Variants in PCDH15 observed in about 807,000 individuals in gnomAD.
The protein encoded by PCDH15 is protocadherin related 15, also known as protocadherin-15.
Under a neutral mutation model 178.5 loss-of-function variants are expected in PCDH15, and 129 were observed. That is an observed-to-expected ratio of 0.72 (90% CI 0.63 to 0.84). The LOEUF is 0.84. Ranked by LOEUF, PCDH15 falls within the 40% of genes least tolerant of loss-of-function variation. The pLI, the probability that PCDH15 is intolerant of heterozygous loss-of-function variation, is 0.00. For synonymous variants in PCDH15, 800 were observed against 732.0 expected, an observed-to-expected ratio of 1.09 and a Z score of -1.50; for missense variants, 2,230 against 2,099.9, an observed-to-expected ratio of 1.06 and a Z score of -1.21.
At chr10:54,930,361 A>T (rs868679543) in intron 2 of PCDH15, among the ~76,000 whole-genome samples, 3 of 152,114 alleles carry the variant, frequency 2.0e-5, no homozygotes, top group African/African-American at 7.2e-5. Flanking sequence ...GTCCCACTCA[A>T]GTGCCCCTCT....
At chr10:55,356,714 AGT>A (rs1180775235) in intron 2 of PCDH15, among the ~76,000 whole-genome samples, 1 of 151,868 alleles carries the variant, frequency 6.6e-6, no homozygotes, top group African/African-American at 2.4e-5. Flanking sequence ...TAACCAATTT[AGT>A]TGTTATAATT....
intron 2 of PCDH15, among the ~76,000 whole-genome samples, chr10:55,139,890 G>T (rs538428218): frequency 6.6e-6 from 1 of 151,954 alleles, no homozygotes; most frequent in Non-Finnish European, 1.5e-5. Flanking sequence ...TTGCTATGTT[G>T]ATTCTTCAAA....
At chr10:54,599,066 C>G (rs10128136) in intron 2 of PCDH15, among the ~76,000 whole-genome samples, 1,888 of 151,846 alleles carry the variant, frequency 0.012, 43 homozygotes, top group African/African-American at 0.044. Flanking sequence ...GCAATTTGTA[C>G]ATAAAATGTT....
At chr10:54,927,772 G>C (rs1837670629) in intron 2 of PCDH15, among the ~76,000 whole-genome samples, 1 of 151,870 alleles carries the variant, frequency 6.6e-6, no homozygotes, top group Non-Finnish European at 1.5e-5. Flanking sequence ...TCTGTTTTCT[G>C]TTTTCCATTT....
intron 8 of PCDH15, among the ~76,000 whole-genome samples, chr10:54,240,910 A>C (rs1004195731): frequency 1.3e-5 from 2 of 151,992 alleles, no homozygotes; most frequent in East Asian, 1.9e-4. Flanking sequence ...GGATTACAGG[A>C]GTGAGCCACC....
chr10:55,197,892 A>G (rs1840138503), intron 1 of PCDH15, among the ~76,000 whole-genome samples: 1 of 152,138 alleles, frequency 6.6e-6, no homozygotes, highest in South Asian at 2.1e-4. Flanking sequence ...TTTAAAATGG[A>G]TGGATATAAA....
intron 6 of PCDH15, among the ~76,000 whole-genome samples, chr10:54,333,564 T>TAA (rs5785065): frequency 1.2e-3 from 168 of 143,810 alleles, no homozygotes; most frequent in Middle Eastern, 3.6e-3. Flanking sequence ...CTAAAAAGTT[T>TAA]AAAAAAAAAA....
chr10:54,003,736 C>CAA lies in PCDH15; in HGVS notation c.2752-7973_2752-7972dup, dbSNP rs55871741. Among the ~76,000 whole-genome samples the CAA allele has an allele frequency of 5.1e-3, 387 of 76,170 alleles. 5 individuals are homozygous for CAA. Among genetic ancestry groups the CAA allele is most frequent in the East Asian group, 0.02 (45 of 2,204 alleles). 50.0% of individuals were successfully genotyped at this position (76,170 alleles called of 152,430 possible). A position where few individuals can be genotyped will look rare whatever the true frequency, so the allele number is the denominator to read the frequency against. ...AATACTAATCTTACTCAAACTATTCCAAAAAAAAAAAAAAAAAAAAAAAAA... is the reference window on the plus strand; with the variant it reads ...AATACTAATCTTACTCAAACTATTCCAAAAAAAAAAAAAAAAAAAAAAAAAAA... On this transcript the variant is annotated intron_variant, in intron 20 of 37. Transcript: ENST00000644397.
At chr10:53,990,574 C>T (rs2091402993) in intron 21 of PCDH15, among the ~76,000 whole-genome samples, 1 of 148,990 alleles carries the variant, frequency 6.7e-6, no homozygotes, top group Non-Finnish European at 1.5e-5. Context: ...ATATTTCTCA[C>T]AATGTTATAT....
intron 2 of PCDH15, among the ~76,000 whole-genome samples, chr10:55,425,673 A>C (rs35473888): frequency 0.24 from 36,597 of 151,018 alleles, 4,836 homozygotes; most frequent in Non-Finnish European, 0.3. Context: ...CACACACACA[A>C]AAAAAAACAG....
At chr10:55,266,983 C>G (rs755125813) in intron 1 of PCDH15, among the ~76,000 whole-genome samples, 25 of 152,308 alleles carry the variant, frequency 1.6e-4, no homozygotes, top group Middle Eastern at 6.8e-3. Flanking sequence ...TGGAACCCTA[C>G]AGCCTGGTTG....
At chr10:54,591,435 C>T (rs1445349189) in intron 2 of PCDH15, among the ~76,000 whole-genome samples, 1 of 152,130 alleles carries the variant, frequency 6.6e-6, no homozygotes, top group Non-Finnish European at 1.5e-5. Flanking sequence ...TGGGTGGCCA[C>T]TATAAGCTAG....
chr10:54,052,851 T>G (rs1400537985), intron 18 of PCDH15, among the ~76,000 whole-genome samples: 1 of 152,154 alleles, frequency 6.6e-6, no homozygotes, highest in East Asian at 1.9e-4. Flanking sequence ...AATTGAATCA[T>G]GAGGGCAATT....
At chr10:55,242,087 G>T (rs1841557808) in intron 1 of PCDH15, among the ~76,000 whole-genome samples, 1 of 152,152 alleles carries the variant, frequency 6.6e-6, no homozygotes, top group Non-Finnish European at 1.5e-5. Context: ...AACATAGACT[G>T]CACGTGCACA....
intron 2 of PCDH15, among the ~76,000 whole-genome samples, chr10:55,117,857 G>A (rs1837665457): frequency 6.6e-6 from 1 of 152,140 alleles, no homozygotes; most frequent in African/African-American, 2.4e-5. Context: ...TTGGGAGGAT[G>A]AATATTCAGC....
chr10:54,407,275 T>A (rs186329367), intron 3 of PCDH15, among the ~76,000 whole-genome samples: 1 of 152,076 alleles, frequency 6.6e-6, no homozygotes, highest in Non-Finnish European at 1.5e-5. Flanking sequence ...TTATACCTTG[T>A]CAGAGTGGCA....
intron 2 of PCDH15, among the ~76,000 whole-genome samples, chr10:55,530,960 G>A (rs1409466298): frequency 6.6e-6 from 1 of 151,954 alleles, no homozygotes; most frequent in East Asian, 1.9e-4. Context: ...AGGCTGAAGT[G>A]GAAGTATTTG....
intron 2 of PCDH15, among the ~76,000 whole-genome samples, chr10:55,510,296 C>G (rs1181692415): frequency 6.6e-6 from 1 of 151,840 alleles, no homozygotes; most frequent in African/African-American, 2.4e-5. Flanking sequence ...GAATAACATA[C>G]TCCTAAAGTC....
intron 2 of PCDH15, among the ~76,000 whole-genome samples, chr10:55,527,872 CAAT>C (rs531570996): frequency 1.6e-3 from 245 of 152,050 alleles, no homozygotes; most frequent in African/African-American, 5.5e-3. Flanking sequence ...CTTCTGACAA[CAAT>C]GAGGTAGCTA....
Sources: gnomAD v4.1 joint callset for allele counts (sites outside exome capture counted in the v4.1 genomes callset) on GRCh38, gnomAD v4.1.1 for gene constraint, MANE v1.5 for transcripts, NCBI Gene and HGNC (gene_info 2026-07-23, HGNC 2026-07-21) for gene names.